Variants in HS3ST1 observed in about 807,000 individuals in gnomAD.
HS3ST1 encodes heparan sulfate glucosamine 3-O-sulfotransferase 1.
A neutral mutation model predicts 20.7 loss-of-function variants in HS3ST1; 8 were observed. The observed-to-expected ratio is 0.39, with a 90% CI of 0.23 to 0.70. The LOEUF (loss-of-function observed/expected upper bound fraction) is 0.70, where lower values mean the gene tolerates loss of function less well. Among genes scored for constraint, HS3ST1 ranks in the 30% least tolerant of loss-of-function variants. The pLI is 0.46. For synonymous variants in HS3ST1, 205 were observed against 190.4 expected (o/e 1.08, Z -0.63); for missense variants, 436 against 423.4 (o/e 1.03, Z -0.26).
At chr4:11,418,118 C>T (rs1718834886) in intron 1 of HS3ST1, among the ~76,000 whole-genome samples, 1 of 152,194 alleles carries the variant, frequency 6.6e-6, no homozygotes, top group Admixed American at 6.5e-5. Flanking sequence ...CCCCTCTGCA[C>T]CTTGCTCCCC....
At chr4:11,429,226 A>C (rs1719150622), upstream of HS3ST1, 1 of 152,494 alleles carries the variant, frequency 6.6e-6, no homozygotes, top group Non-Finnish European at 1.5e-5. Flanking sequence ...CCAGCGCTCC[A>C]AGAAGGTGAG....
At chr4:11,415,642 T>C (rs2108887142) in intron 1 of HS3ST1, among the ~76,000 whole-genome samples, 1 of 152,350 alleles carries the variant, frequency 6.6e-6, no homozygotes, top group South Asian at 2.1e-4. Context: ...AGAAAAATGC[T>C]GCTCTATTGA....
chr4:11,423,154 G>A (rs749553711), intron 1 of HS3ST1, among the ~76,000 whole-genome samples: 14 of 148,734 alleles, frequency 9.4e-5, no homozygotes, highest in Non-Finnish European at 1.8e-4. Flanking sequence ...CATGTTTAAT[G>A]TATTTCATGC....
intron 1 of HS3ST1, among the ~76,000 whole-genome samples, chr4:11,420,916 T>C (rs1326193071): frequency 2.0e-5 from 3 of 152,182 alleles, no homozygotes; most frequent in African/African-American, 7.2e-5. Context: ...AAAAGAATCG[T>C]TCAGAACTGC....
chr4:11,408,957 A>G lies in HS3ST1; in HGVS notation c.-108-8844T>C, dbSNP rs1481407826. Among the ~76,000 whole-genome samples, 10 of 152,330 alleles carry G rather than the reference A, an allele frequency of 6.6e-5. No individual in the cohort carries two copies. In the South Asian group the frequency reaches 8.3e-4, roughly 13 times the overall value. On this transcript the variant is annotated intron_variant, in intron 1 of 1. Transcript: ENST00000002596. ...ACCCTGCAGATGGTGAGTACCCACA[A>G]ATCTTTTATGTTAACCCAGAAGTGG...
intron 1 of HS3ST1, among the ~76,000 whole-genome samples, chr4:11,428,220 C>T (rs1719114528): frequency 6.6e-6 from 1 of 152,244 alleles, no homozygotes; most frequent in Non-Finnish European, 1.5e-5. Context: ...GCAAACCCGA[C>T]CAAGGCTTCT....
At chr4:11,410,193 T>C (rs992692839) in intron 1 of HS3ST1, among the ~76,000 whole-genome samples, 8 of 152,138 alleles carry the variant, frequency 5.3e-5, no homozygotes, top group Admixed American at 2.6e-4. Flanking sequence ...GACACTGAAA[T>C]AATCCCGTCC....
intron 1 of HS3ST1, among the ~76,000 whole-genome samples, chr4:11,418,479 T>C (rs1032945263): frequency 2.0e-4 from 30 of 152,182 alleles, no homozygotes; most frequent in Admixed American, 2.0e-3. Context: ...GTCATTTCCC[T>C]GTCATCAAAT....
At position 11,398,485 on chromosome 4, in the gene HS3ST1, C is replaced by G. The variant is rs1018623432; in HGVS notation, c.*597G>C. ...AGCCAGTCACTAACTGCTTCTCCAT[C>G]CTGAATATTGCTTTGTTTACTTGAA... On this transcript the variant is annotated 3_prime_UTR_variant, in exon 2 of 2. Coordinates refer to ENST00000002596, the MANE Select transcript of HS3ST1 (RefSeq NM_005114.4). 3.3e-5 allele frequency: 5 copies of G among 152,226 alleles called. No homozygotes were observed. Among genetic ancestry groups the G allele is most frequent in the African/African-American group, 1.2e-4 (5 of 41,428 alleles). 9.4% of individuals were successfully genotyped at this position (152,226 alleles called of 1,614,324 possible).
At chr4:11,406,358 A>G (rs1199208279) in intron 1 of HS3ST1, among the ~76,000 whole-genome samples, 1 of 152,198 alleles carries the variant, frequency 6.6e-6, no homozygotes, top group African/African-American at 2.4e-5. Context: ...GTAAATGTCT[A>G]ACCTCTCTGG....
chr4:11,418,867 C>A (rs1718854224), intron 1 of HS3ST1, among the ~76,000 whole-genome samples: 1 of 152,142 alleles, frequency 6.6e-6, no homozygotes, highest in South Asian at 2.1e-4. Flanking sequence ...GCACATGGCT[C>A]ACTGCTCCTA....
chr4:11,427,016 A>G (rs1372431808), intron 1 of HS3ST1, among the ~76,000 whole-genome samples: 1 of 152,226 alleles, frequency 6.6e-6, no homozygotes, highest in Admixed American at 6.5e-5. Flanking sequence ...GGAATGCAGA[A>G]AGCAAGAAAA....
intron 1 of HS3ST1, among the ~76,000 whole-genome samples, chr4:11,420,183 G>A (rs775591924): frequency 6.6e-6 from 1 of 152,234 alleles, no homozygotes. Context: ...ATTTTGGCAT[G>A]AGCAGTACCT....
upstream of HS3ST1, among the ~76,000 whole-genome samples, chr4:11,432,865 C>T (rs1391734421): frequency 2.0e-5 from 3 of 152,158 alleles, no homozygotes; most frequent in Non-Finnish European, 2.9e-5. Flanking sequence ...CATCTCATGC[C>T]TCCCCAACCA....
rs1256440413 is a variant in HS3ST1 at position 11,419,172 on chromosome 4, T to C, written c.-109+9527A>G. 8.6e-5 allele frequency among the ~76,000 whole-genome samples: 13 copies of C among 152,008 alleles called. No individual in the cohort carries two copies. The East Asian group carries it at 2.5e-3, about 30-fold the overall frequency. On this transcript the variant is annotated intron_variant, in intron 1 of 1. Transcript: ENST00000002596. ...TCCCTTCTCTCTCCCTCTATCCATC[T>C]TGCCTTATCTCCCCACTTCTCTTCC...
At chr4:11,413,357 G>C (rs1478473157) in intron 1 of HS3ST1, among the ~76,000 whole-genome samples, 1 of 151,890 alleles carries the variant, frequency 6.6e-6, no homozygotes, top group Non-Finnish European at 1.5e-5. Context: ...GCTTAAATGA[G>C]GTATGGACGA....
intron 1 of HS3ST1, among the ~76,000 whole-genome samples, chr4:11,402,755 C>T (rs1352799093): frequency 2.0e-5 from 3 of 152,132 alleles, no homozygotes; most frequent in African/African-American, 7.2e-5. Flanking sequence ...GAGGCAGAGG[C>T]CAGATCTGAA....
chr4:11,422,306 T>G (rs777187088), intron 1 of HS3ST1, among the ~76,000 whole-genome samples: 8 of 152,204 alleles, frequency 5.3e-5, no homozygotes, highest in Middle Eastern at 6.3e-3. Flanking sequence ...CTGTTTCTTC[T>G]TTTCTGAGCA....
Position 11,399,319 on chromosome 4 carries a change from T to C in HS3ST1, c.687A>G (p.Gln229=), listed in dbSNP as rs767605610. The part of the protein sequence containing the change: ...RLIRDPFPEI[Q]KVERFLKLSP... Reference sequence around the variant, plus strand: ...ACAGCTTTAGGAACCTCTCGACCTTTTGGATCTCAGGGAAGGGGTCCCTGA... The same window carrying C: ...ACAGCTTTAGGAACCTCTCGACCTTCTGGATCTCAGGGAAGGGGTCCCTGA... The change falls in exon 2 of 2, where the codon CAA becomes CAG. Residue 229 remains glutamine, a synonymous_variant. Transcript: ENST00000002596. This position sits in a 1 kb window ranked among gnomAD's most constrained non-coding sequence, Gnocchi z 5.1. The C allele has an allele frequency of 2.5e-6, 4 of 1,614,102 alleles. No individual in the cohort carries two copies. In the East Asian group the frequency reaches 6.7e-5, roughly 27 times the overall value.
Sources: allele counts gnomAD v4.1 joint callset (sites outside exome capture counted in the v4.1 genomes callset), GRCh38; gene constraint gnomAD v4.1.1; non-coding constraint Gnocchi (gnomAD v3.1); transcripts MANE v1.5; gene names NCBI Gene and HGNC (gene_info 2026-07-23, HGNC 2026-07-21).